BICDL2: variants seen among roughly 807,000 people sequenced by gnomAD.
The protein encoded by BICDL2 is BICD family-like cargo adapter 2.
BICDL2 carries 62 observed loss-of-function variants against 56.6 expected under a neutral mutation model. The ratio of observed to expected loss-of-function variants is 1.10; its 90% CI spans 0.89 to 1.35. The LOEUF (loss-of-function observed/expected upper bound fraction) is 1.35, where lower values mean the gene tolerates loss of function less well. BICDL2 is among the 40% of genes most tolerant of loss of function. BICDL2 has a pLI of 0.00. For synonymous variants in BICDL2, 358 were observed against 319.8 expected (o/e 1.12, Z -1.27); for missense variants, 808 against 684.5 (o/e 1.18, Z -2.01).
rs950051181 is a variant in BICDL2, at chr16:3,027,997, G to C, written c.*109C>G. On this transcript the variant is annotated 3_prime_UTR_variant, in exon 10 of 10. Coordinates refer to ENST00000572449, the MANE Select transcript of BICDL2 (RefSeq NM_001369667.1). Reference sequence around the variant, plus strand: ...AGCCCTTGCCCAGCATCCTGGGGCGGGGAGGGCATCAGCTTCTTTTGGAAG... The same window carrying C: ...AGCCCTTGCCCAGCATCCTGGGGCGCGGAGGGCATCAGCTTCTTTTGGAAG... 71 of 1,338,950 alleles carry C rather than the reference G, an allele frequency of 5.3e-5. No homozygotes were observed. The highest frequency in any genetic ancestry group is 2.2e-4 in the Middle Eastern group (1 of 4,610). The allele number at this position is 1,338,950 out of a possible 1,614,324, so 82.9% of individuals were successfully genotyped here.
chr16:3,036,795 G>T, intron 1 of BICDL2, 99 bp downstream of exon 1: 1 of 341,810 alleles, frequency 2.9e-6, no homozygotes, highest in South Asian at 2.1e-5. Flanking sequence ...CGGTTCCCCT[G>T]CCCCCGCCCC....
rs891794292 is a variant in BICDL2 at position 3,027,770 on chromosome 16, G to T, written c.*336C>A. 8.5e-7 allele frequency: 1 copy of T among 1,176,766 alleles called. No individual in the cohort carries two copies. The highest frequency in any genetic ancestry group is 2.6e-5 in the East Asian group (1 of 39,106). The allele number at this position is 1,176,766 out of a possible 1,614,324, so 72.9% of individuals were successfully genotyped here. On this transcript the variant is annotated 3_prime_UTR_variant, in exon 10 of 10. Transcript: ENST00000572449. ...TTTTTACCATGCTCTTTCTTTCTAT[G>T]AATGGGGGCCAAATCGGTGGAGTGA...
chr16:3,030,619 G>C (rs1955638721), intron 4 of BICDL2, 24 bp from the exon 5 acceptor site: 1 of 1,595,702 alleles, frequency 6.3e-7, no homozygotes, highest in Admixed American at 1.7e-5. Flanking sequence ...TGAGAGCTGG[G>C]GACAGGGGCA....
intron 1 of BICDL2, chr16:3,035,816 C>A (rs369640783): frequency 4.8e-6 from 2 of 415,516 alleles, no homozygotes; most frequent in East Asian, 4.5e-5. Flanking sequence ...GCCACCTCTG[C>A]TCCCTGTCCC....
chr16:3,035,070 A>G (rs1955710549), intron 2 of BICDL2, 145 bp downstream of exon 2: 3 of 789,174 alleles, frequency 3.8e-6, no homozygotes, highest in Non-Finnish European at 5.9e-6. Flanking sequence ...CCCAGCTCTG[A>G]CCTGTTCCAA....
Position 3,029,351 on chromosome 16 carries a change from T to C in BICDL2, c.1036A>G (p.Lys346Glu). The C allele has an allele frequency of 6.4e-7, 1 of 1,566,158 alleles. No homozygotes were observed. Among genetic ancestry groups the C allele is most frequent in the Non-Finnish European group, 8.7e-7 (1 of 1,153,300 alleles). Reference sequence around the variant, plus strand: ...TCCGCTGGACTGAGGGATGTTCGCTTCTTGGGGGGCTCTAAGATCTCTTCC... The same window carrying C: ...TCCGCTGGACTGAGGGATGTTCGCTCCTTGGGGGGCTCTAAGATCTCTTCC... ...PPEEILEPPK[K>E]RTSLSPAEIL... The change falls in exon 7 of 10, where the codon AAG (lysine) becomes GAG (glutamate). Residue 346 changes from lysine (K) to glutamate (E), a missense_variant. Coordinates refer to ENST00000572449, the MANE Select transcript of BICDL2 (RefSeq NM_001369667.1).
At chr16:3,035,763 C>G (rs1955726200) in intron 1 of BICDL2, 1 of 525,646 alleles carries the variant, frequency 1.9e-6, no homozygotes, top group East Asian at 3.1e-5. Flanking sequence ...GCCAGACAAT[C>G]TCTGTCCCCA....
rs758004227 is a variant in BICDL2 at position 3,030,724 on chromosome 16, C to G, written c.587G>C (p.Arg196Thr). Reference sequence around the variant, plus strand: ...CCCCTGCAGACTCTCCAGCCGCGTCCTCAGCTCTGCTCCAGCCAGTGCCTG... The same window carrying G: ...CCCCTGCAGACTCTCCAGCCGCGTCGTCAGCTCTGCTCCAGCCAGTGCCTG... ...QAQALAGAEL[R>T]TRLESLQGEN... The change falls in exon 4 of 10, where the codon AGG becomes ACG. Residue 196 changes from arginine (R) to threonine (T), a missense_variant. By Grantham distance (71) the Arg-to-Thr change is moderately conservative. Coordinates refer to ENST00000572449, the MANE Select transcript of BICDL2 (RefSeq NM_001369667.1). 6.2e-7 allele frequency: 1 copy of G among 1,612,376 alleles called. No individual in the cohort carries two copies.
rs1596482118 is a variant in BICDL2 at position 3,030,134 on chromosome 16, C to T, written c.762+315G>A. 9 of 481,540 alleles carry T rather than the reference C, an allele frequency of 1.9e-5. No homozygotes were observed. In the East Asian group the frequency reaches 2.8e-4, roughly 15 times the overall value. 29.8% of individuals were successfully genotyped at this position (481,540 alleles called of 1,614,324 possible). A position where few individuals can be genotyped will look rare whatever the true frequency, so the allele number is the denominator to read the frequency against. ...CTCCTTTGATCTCTAACATCAGACA[C>T]CGCATCCTCTTTTCATTTCTTTTTC... is the stretch of plus-strand genomic sequence containing the variant. On this transcript the variant is annotated intron_variant, in intron 5 of 9. Transcript: ENST00000572449.
At chr16:3,034,711 C>CTTCCTTCCCCTTCCTTCCTTCCTT (rs1955705953) in intron 2 of BICDL2, among the ~76,000 whole-genome samples, 2 of 127,080 alleles carry the variant, frequency 1.6e-5, no homozygotes, top group African/African-American at 5.9e-5. Context: ...TCCTTCCTTC[C>CTTCCTTCCCCTTCCTTCCTTCCTT]TTTTTTTTTT....
Position 3,029,739 on chromosome 16 carries a change from G to T in BICDL2, c.763C>A (p.Leu255Met). The T allele has an allele frequency of 6.7e-7, 1 of 1,493,452 alleles. No homozygotes were observed. The highest frequency in any genetic ancestry group is 8.8e-7 in the Non-Finnish European group (1 of 1,130,008). The allele number at this position is 1,493,452 out of a possible 1,614,324, so 92.5% of individuals were successfully genotyped here. Residue 255 changes from leucine (L) to methionine (M), a missense_variant and splice_region_variant, in exon 6 of 10, where the codon CTG becomes ATG. Leu to Met is a conservative substitution (Grantham distance 15). Coordinates refer to ENST00000572449, the MANE Select transcript of BICDL2 (RefSeq NM_001369667.1). Reference protein sequence around the residue: ...RRERREHSLELERARSEAGEA... With the variant: ...RRERREHSLEMERARSEAGEA... ...CCAGCCTCTGACCGTGCGCGTTCCAGCTGTGGACGGTCCCGCAGACGGAAG... is the reference window on the plus strand; with the variant it reads ...CCAGCCTCTGACCGTGCGCGTTCCATCTGTGGACGGTCCCGCAGACGGAAG...
rs1955575570 is a variant in BICDL2 at position 3,028,152 on chromosome 16, G to C, written c.1481C>G (p.Pro494Arg). ...ACTGAGAAAGCCACCGGCGGGCCCGGGGCCCAGGCGCAGCGAGAAGCGGGG... is the reference window on the plus strand; with the variant it reads ...ACTGAGAAAGCCACCGGCGGGCCCGCGGCCCAGGCGCAGCGAGAAGCGGGG... ...AAPRFSLRLG[P>R]GPAGGFLSNL... Residue 494 changes from proline (P) to arginine (R), a missense_variant, in exon 10 of 10, where the codon CCC (proline) becomes CGC (arginine). Coordinates refer to ENST00000572449, the MANE Select transcript of BICDL2 (RefSeq NM_001369667.1). 1 of 1,443,970 alleles carries C rather than the reference G, an allele frequency of 6.9e-7. No individual in the cohort carries two copies. The highest frequency in any genetic ancestry group is 1.5e-5 in the African/African-American group (1 of 66,652). 89.4% of individuals were successfully genotyped at this position (1,443,970 alleles called of 1,614,324 possible).
Position 3,036,915 on chromosome 16 carries a change from C to T in BICDL2, c.-52G>A, listed in dbSNP as rs1041289364. Reference sequence around the variant, plus strand: ...TCACCCGAAGCCGCCGGGCTCCCTCCGAGGTCCCCGCGGTCTCCGGTCCCC... The same window carrying T: ...TCACCCGAAGCCGCCGGGCTCCCTCTGAGGTCCCCGCGGTCTCCGGTCCCC... On this transcript the variant is annotated 5_prime_UTR_variant, in exon 1 of 10. Transcript: ENST00000572449. 8 of 257,364 alleles carry T rather than the reference C, an allele frequency of 3.1e-5. No individual in the cohort carries two copies. Among genetic ancestry groups the T allele is most frequent in the Middle Eastern group, 1.5e-3 (1 of 666 alleles). 15.9% of individuals were successfully genotyped at this position (257,364 alleles called of 1,614,324 possible).
At position 3,029,424 on chromosome 16, in the gene BICDL2, G is replaced by C; in HGVS notation, c.963C>G (p.Thr321=). The stretch of plus-strand genomic sequence containing the variant: ...ACGCCTTTCGGGTCTTTGGGGACCG[G>C]GTGGTCTGTGGGCCAAAGAAATGGG... ...GADAPGDTPT[T]RSPKTRKASS... Residue 321 remains threonine, a synonymous_variant, in exon 7 of 10, where the codon ACC becomes ACG. Coordinates refer to ENST00000572449, the MANE Select transcript of BICDL2 (RefSeq NM_001369667.1). The C allele has an allele frequency of 6.2e-7, 1 of 1,602,884 alleles. No individual in the cohort carries two copies. Among genetic ancestry groups the C allele is most frequent in the Non-Finnish European group, 8.5e-7 (1 of 1,177,856 alleles).
intron 2 of BICDL2, 39 bp downstream of exon 2, chr16:3,035,176 T>TTGGGCCGGGGGGGGGGGGGGGGGGGG: frequency 2.2e-5 from 3 of 136,274 alleles, no homozygotes; most frequent in East Asian, 1.4e-4. Context: ...CGTCCTCCCC[T>TTGGGCCGGGGGGGGGGGGGGGGGGGG]GCCCACCCAC....
chr16:3,031,845 G>A (rs932246457), intron 2 of BICDL2: 2 of 283,660 alleles, frequency 7.1e-6, no homozygotes, highest in East Asian at 5.8e-5. Flanking sequence ...AATCACTAAC[G>A]TCCTGGGTTT....
chr16:3,031,085 G>C lies in BICDL2; in HGVS notation c.348C>G (p.Ala116=). The C allele has an allele frequency of 6.5e-7, 1 of 1,536,782 alleles. No homozygotes were observed. The highest frequency in any genetic ancestry group is 1.2e-5 in the South Asian group (1 of 84,030). The change falls in exon 3 of 10, where the codon GCC becomes GCG. Residue 116 remains alanine, a synonymous_variant. Coordinates refer to ENST00000572449, the MANE Select transcript of BICDL2 (RefSeq NM_001369667.1). Reference sequence around the variant, plus strand: ...CGTCCCCCTCCAGCTCCACGGCCCGGGCCTCCCACTCGGCTCCTCGGGCTG... The same window carrying C: ...CGTCCCCCTCCAGCTCCACGGCCCGCGCCTCCCACTCGGCTCCTCGGGCTG... ...GLAARGAEWE[A]RAVELEGDVE...
At position 3,028,108 on chromosome 16, in the gene BICDL2, A is replaced by G; in HGVS notation, c.1525T>C (p.Ter509ArgextTer71). ...GGGCAGCCCTCTGGGCCCAGCCGTC[A>G]GGTCCTTCGGAAGAGGTTACTGAGA... is the stretch of plus-strand genomic sequence containing the variant. ...GFLSNLFRRT* is the reference protein window; with the variant it reads ...GFLSNLFRRTR The change falls in exon 10 of 10, where the codon TGA (stop) becomes CGA (arginine). Residue 509 changes from the stop codon to arginine (R), a stop_lost. Transcript: ENST00000572449. 1 of 1,425,682 alleles carries G rather than the reference A, an allele frequency of 7.0e-7. No individual in the cohort carries two copies. The highest frequency in any genetic ancestry group is 9.1e-7 in the Non-Finnish European group (1 of 1,094,994). The allele number at this position is 1,425,682 out of a possible 1,614,324, so 88.3% of individuals were successfully genotyped here. A position where few individuals can be genotyped will look rare whatever the true frequency, so the allele number is the denominator to read the frequency against.
At chr16:3,034,281 T>C (rs1239607521) in intron 2 of BICDL2, among the ~76,000 whole-genome samples, 1 of 151,800 alleles carries the variant, frequency 6.6e-6, no homozygotes, top group Non-Finnish European at 1.5e-5. Flanking sequence ...CTGAACCCAG[T>C]TTGTTTTTGT....
Sources: allele counts gnomAD v4.1 joint callset (sites outside exome capture counted in the v4.1 genomes callset), GRCh38; gene constraint gnomAD v4.1.1; transcripts MANE v1.5; gene names NCBI Gene and HGNC (gene_info 2026-07-23, HGNC 2026-07-21).